The following FBXO4 variants were observed in gnomAD, a reference collection of about 807,000 sequenced individuals.
FBXO4 encodes F-box only protein 4.
Under a neutral mutation model 43.7 loss-of-function variants are expected in FBXO4, and 36 were observed. The ratio of observed to expected loss-of-function variants is 0.82; its 90% CI spans 0.63 to 1.09. The LOEUF (loss-of-function observed/expected upper bound fraction) is 1.09. FBXO4 is among the 50% of genes least tolerant of loss of function. The probability of loss-of-function intolerance (pLI) is 0.00; values close to 1 mark genes in which losing one functional copy is unlikely to be tolerated. For missense variants in FBXO4, 435 were observed against 474.1 expected (o/e 0.92, Z 0.77); for synonymous variants, 180 against 165.6 (o/e 1.09, Z -0.67).
At chr5:41,967,573 T>A in the FBXO4 span, 1 of 1,103,044 alleles carries the variant, frequency 9.1e-7, no homozygotes, top group Non-Finnish European at 1.4e-6. Context: ...CAATAGGCAT[T>A]ACAACATTTT....
At chr5:41,935,598 G>T (rs898131964) in intron 5 of FBXO4, among the ~76,000 whole-genome samples, 7 of 152,228 alleles carry the variant, frequency 4.6e-5, no homozygotes, top group African/African-American at 2.4e-5. Context: ...GAAATTTGCA[G>T]TGGAGACCTT....
chr5:42,032,057 CTGTGTGTG>C, the FBXO4 span, among the ~76,000 whole-genome samples: 539 of 139,320 alleles, frequency 3.9e-3, 1 homozygote, highest in African/African-American at 0.011. Flanking sequence ...GTCTTTTTTT[CTGTGTGTG>C]TGTGTGTGTG....
chr5:41,998,281 A>C, the FBXO4 span, among the ~76,000 whole-genome samples: 1 of 152,232 alleles, frequency 6.6e-6, no homozygotes, highest in Non-Finnish European at 1.5e-5. Flanking sequence ...TCTGATATAC[A>C]GAGAAGAGCA....
At chr5:41,942,694 A>G (rs1231866619), downstream of FBXO4, among the ~76,000 whole-genome samples, 1 of 151,946 alleles carries the variant, frequency 6.6e-6, no homozygotes, top group Non-Finnish European at 1.5e-5. Context: ...TATCTCTCTT[A>G]TATTAACTCA....
the FBXO4 span, among the ~76,000 whole-genome samples, chr5:41,949,096 C>G: frequency 1.3e-5 from 2 of 152,180 alleles, no homozygotes; most frequent in African/African-American, 2.4e-5. Flanking sequence ...GACAAACGCA[C>G]AGCCTATATC....
At chr5:42,031,376 A>G in the FBXO4 span, among the ~76,000 whole-genome samples, 2 of 149,844 alleles carry the variant, frequency 1.3e-5, no homozygotes, top group African/African-American at 2.4e-5. Context: ...ACCAAACACC[A>G]CATGTTCTCA....
chr5:42,035,755 T>C, the FBXO4 span, among the ~76,000 whole-genome samples: 4 of 152,164 alleles, frequency 2.6e-5, no homozygotes, highest in African/African-American at 9.7e-5. Context: ...GAGGCAATTT[T>C]TGTACTTTGG....
chr5:42,030,934 C>T, the FBXO4 span, among the ~76,000 whole-genome samples: 1 of 152,034 alleles, frequency 6.6e-6, no homozygotes, highest in East Asian at 1.9e-4. Flanking sequence ...GTTAGAATGG[C>T]AATCATTAAA....
the FBXO4 span, among the ~76,000 whole-genome samples, chr5:41,958,917 A>G: frequency 6.6e-6 from 1 of 152,230 alleles, no homozygotes. Context: ...CAGATCCAGT[A>G]GCAGGATTGC....
chr5:41,991,924 C>G, the FBXO4 span, among the ~76,000 whole-genome samples: 3 of 152,018 alleles, frequency 2.0e-5, no homozygotes, highest in Non-Finnish European at 4.4e-5. Context: ...ACTAAAAATA[C>G]AAAATTAGCC....
At chr5:41,998,999 C>T in the FBXO4 span, among the ~76,000 whole-genome samples, 3,340 of 151,412 alleles carry the variant, frequency 0.022, 116 homozygotes, top group Admixed American at 0.083. Flanking sequence ...AGCTTCATTA[C>T]GTTCCTTGGT....
chr5:41,998,372 A>G, the FBXO4 span, among the ~76,000 whole-genome samples: 1 of 152,186 alleles, frequency 6.6e-6, no homozygotes, highest in South Asian at 2.1e-4. Context: ...TATCTCCTGA[A>G]CCCTCCCAGC....
the FBXO4 span, among the ~76,000 whole-genome samples, chr5:42,027,099 T>C: frequency 6.6e-6 from 1 of 151,890 alleles, no homozygotes. Context: ...CCTATGTTTT[T>C]TGGAACAGAT....
chr5:42,015,895 T>C, the FBXO4 span, among the ~76,000 whole-genome samples: 1 of 152,094 alleles, frequency 6.6e-6, no homozygotes, highest in African/African-American at 2.4e-5. Context: ...AAATAGAGAC[T>C]GAGATTTTCC....
At chr5:41,946,362 A>G (rs1347531763), downstream of FBXO4, among the ~76,000 whole-genome samples, 1 of 152,214 alleles carries the variant, frequency 6.6e-6, no homozygotes, top group Non-Finnish European at 1.5e-5. Flanking sequence ...TTCTCCAGAT[A>G]AAAGGGCATA....
At chr5:41,953,293 A>T in the FBXO4 span, among the ~76,000 whole-genome samples, 1 of 151,544 alleles carries the variant, frequency 6.6e-6, no homozygotes, top group Non-Finnish European at 1.5e-5. Context: ...GTTGATTTCC[A>T]ATTTCATCCA....
chr5:41,940,228 T>C (rs1751969993), intron 6 of FBXO4, among the ~76,000 whole-genome samples: 3 of 152,088 alleles, frequency 2.0e-5, no homozygotes. Flanking sequence ...ATCAAAGTTA[T>C]ATGTTCCATC....
At chr5:41,984,500 G>A in the FBXO4 span, among the ~76,000 whole-genome samples, 4 of 152,240 alleles carry the variant, frequency 2.6e-5, no homozygotes, top group African/African-American at 7.2e-5. Flanking sequence ...ACTCTCTGAC[G>A]TCTCACTTAT....
chr5:41,956,043 G>A, the FBXO4 span, among the ~76,000 whole-genome samples: 1 of 152,094 alleles, frequency 6.6e-6, no homozygotes, highest in Non-Finnish European at 1.5e-5. Flanking sequence ...AAAATATTAA[G>A]ATCTAACAAG....
Sources: gnomAD v4.1 joint callset for allele counts (sites outside exome capture counted in the v4.1 genomes callset) on GRCh38, gnomAD v4.1.1 for gene constraint, MANE v1.5 for transcripts, NCBI Gene and HGNC (gene_info 2026-07-23, HGNC 2026-07-21) for gene names.